The following EPHA5 variants were observed in gnomAD, a reference collection of about 807,000 sequenced individuals.
The protein encoded by EPHA5 is EPH receptor A5.
In EPHA5, 60 loss-of-function variants were observed where a neutral mutation model predicts 105.0. The observed-to-expected ratio is 0.57, with a 90% CI of 0.46 to 0.71. EPHA5 has a LOEUF of 0.71. Ranked by LOEUF, EPHA5 falls within the 30% of genes least tolerant of loss-of-function variation. The pLI is 0.00. For synonymous variants in EPHA5, 513 were observed against 449.1 expected (o/e 1.14, Z -1.80); for missense variants, 1,218 against 1,274.7 (o/e 0.96, Z 0.68).
intron 5 of EPHA5, among the ~76,000 whole-genome samples, chr4:65,469,746 T>C (rs965877908): frequency 6.6e-6 from 1 of 152,222 alleles, no homozygotes; most frequent in African/African-American, 2.4e-5. Context: ...CAATTTGGCA[T>C]GTTGTAATAC....
Position 65,593,943 on chromosome 4 carries a change from T to G in EPHA5, c.910+7698A>C, listed in dbSNP as rs183487270. Among the ~76,000 whole-genome samples, 12 of 152,352 alleles carry G rather than the reference T, an allele frequency of 7.9e-5. No homozygotes were observed. In the East Asian group the frequency reaches 1.9e-3, roughly 24 times the overall value. ...TTTGAACTATTATTTCTGAAGAATC[T>G]GAAAACTGATACTGAAATATTTGCT... On this transcript the variant is annotated intron_variant, in intron 3 of 16. Coordinates refer to ENST00000613740, the MANE Select transcript of EPHA5 (RefSeq NM_001281766.3).
intron 5 of EPHA5, among the ~76,000 whole-genome samples, chr4:65,429,785 G>A (rs1432125792): frequency 5.3e-5 from 8 of 151,914 alleles, no homozygotes; most frequent in South Asian, 4.2e-4. Flanking sequence ...ATATATTCTC[G>A]CTGATACCAT....
intron 3 of EPHA5, among the ~76,000 whole-genome samples, chr4:65,543,088 A>T (rs899990906): frequency 2.0e-5 from 3 of 152,036 alleles, no homozygotes; most frequent in Non-Finnish European, 4.4e-5. Flanking sequence ...AATAAGAGCT[A>T]TTTATTGCAA....
chr4:65,342,208 G>A (rs1217860141), intron 14 of EPHA5, among the ~76,000 whole-genome samples: 1 of 151,998 alleles, frequency 6.6e-6, no homozygotes, highest in African/African-American at 2.4e-5. Flanking sequence ...ATCTTGAGCT[G>A]AAGAACTGAT....
At chr4:65,536,586 A>C (rs1031855984) in intron 3 of EPHA5, among the ~76,000 whole-genome samples, 1 of 151,870 alleles carries the variant, frequency 6.6e-6, no homozygotes, top group Admixed American at 6.6e-5. Context: ...ACTTTGCAAG[A>C]CTGCTGAATT....
chr4:65,456,261 C>T (rs1330359979), intron 5 of EPHA5, among the ~76,000 whole-genome samples: 1 of 151,914 alleles, frequency 6.6e-6, no homozygotes, highest in Non-Finnish European at 1.5e-5. Context: ...CTTCCTTGGC[C>T]GATTTCACAG....
intron 2 of EPHA5, among the ~76,000 whole-genome samples, chr4:65,626,860 T>C (rs954429145): frequency 6.6e-6 from 1 of 152,230 alleles, no homozygotes; most frequent in Admixed American, 6.5e-5. Flanking sequence ...AAATAAATTA[T>C]TTAGTTTCTC....
intron 1 of EPHA5, among the ~76,000 whole-genome samples, chr4:65,655,866 T>C (rs1749010441): frequency 6.6e-6 from 1 of 152,060 alleles, no homozygotes; most frequent in African/African-American, 2.4e-5. Flanking sequence ...ATAATTTCTG[T>C]TTTAGGCAGA....
rs967125040 is a variant in EPHA5, at chr4:65,615,962, G to A, written c.247-13658C>T. Among the ~76,000 whole-genome samples the A allele has an allele frequency of 3.5e-4, 53 of 151,772 alleles. 1 individual carries two copies. The highest frequency in any genetic ancestry group is 3.2e-3 in the Admixed American group (49 of 15,230). On this transcript the variant is annotated intron_variant, in intron 2 of 16. Transcript: ENST00000613740. ...CTATACCTGGTAAATAACAACTTAC[G>A]TCCACAGAAATACCTGTACATGAAT...
At chr4:65,333,606 T>C (rs1288963013) in intron 15 of EPHA5, among the ~76,000 whole-genome samples, 1 of 136,232 alleles carries the variant, frequency 7.3e-6, no homozygotes, top group Non-Finnish European at 1.5e-5. Context: ...CTCCTTTGCC[T>C]GCTAGTCTTT....
intron 3 of EPHA5, among the ~76,000 whole-genome samples, chr4:65,554,603 T>C (rs1431112325): frequency 1.3e-5 from 2 of 151,784 alleles, no homozygotes; most frequent in African/African-American, 2.4e-5. Context: ...TCTATTCTTA[T>C]AACTTTTTCT....
At chr4:65,433,300 T>C (rs1725151391) in intron 5 of EPHA5, among the ~76,000 whole-genome samples, 1 of 152,258 alleles carries the variant, frequency 6.6e-6, no homozygotes, top group East Asian at 1.9e-4. Context: ...CATATTCAAA[T>C]ACACATAAAT....
intron 5 of EPHA5, among the ~76,000 whole-genome samples, chr4:65,478,500 C>T (rs1730048073): frequency 1.3e-5 from 2 of 152,086 alleles, no homozygotes; most frequent in South Asian, 4.2e-4. Flanking sequence ...AAAACAGGGT[C>T]TTCCTCTGTT....
intron 14 of EPHA5, among the ~76,000 whole-genome samples, chr4:65,341,503 T>A (rs889823040): frequency 6.6e-6 from 1 of 151,702 alleles, no homozygotes; most frequent in Non-Finnish European, 1.5e-5. Flanking sequence ...CATAAATAAA[T>A]ATACATATGA....
chr4:65,468,734 A>G (rs1426992880), intron 5 of EPHA5, among the ~76,000 whole-genome samples: 1 of 147,578 alleles, frequency 6.8e-6, no homozygotes, highest in Non-Finnish European at 1.5e-5. Flanking sequence ...TTCCAGAAGC[A>G]AAGGTTATGA....
intron 8 of EPHA5, among the ~76,000 whole-genome samples, chr4:65,402,965 C>T (rs1366051670): frequency 6.6e-6 from 1 of 152,134 alleles, no homozygotes; most frequent in Non-Finnish European, 1.5e-5. Context: ...CACTAGATAG[C>T]TATCCCCCTG....
chr4:65,370,781 G>A (rs1718384749), intron 8 of EPHA5, among the ~76,000 whole-genome samples: 1 of 152,050 alleles, frequency 6.6e-6, no homozygotes, highest in African/African-American at 2.4e-5. Context: ...TTTTGACTAT[G>A]GGCATCTCTG....
intron 3 of EPHA5, among the ~76,000 whole-genome samples, chr4:65,576,622 G>T (rs1228911178): frequency 6.6e-6 from 1 of 152,328 alleles, no homozygotes; most frequent in Admixed American, 6.5e-5. Flanking sequence ...AAATAAGGCA[G>T]ATTTGTGCTC....
intron 8 of EPHA5, among the ~76,000 whole-genome samples, chr4:65,395,852 G>A (rs959371611): frequency 3.3e-5 from 5 of 152,182 alleles, no homozygotes; most frequent in Admixed American, 3.3e-4. Flanking sequence ...CCTTAAAATG[G>A]ATGGCAGTGG....
Sources: allele counts gnomAD v4.1 joint callset (sites outside exome capture counted in the v4.1 genomes callset), GRCh38; gene constraint gnomAD v4.1.1; transcripts MANE v1.5; gene names NCBI Gene and HGNC (gene_info 2026-07-23, HGNC 2026-07-21).